BNIPL: variants seen among roughly 807,000 people sequenced by gnomAD.
BNIPL encodes BCL2 interacting protein like.
BNIPL carries 33 observed loss-of-function variants against 47.0 expected under a neutral mutation model. The observed-to-expected ratio is 0.70, with a 90% CI of 0.53 to 0.94. The LOEUF (loss-of-function observed/expected upper bound fraction) is 0.94. BNIPL is among the 40% of genes least tolerant of loss of function. The pLI, the probability that BNIPL is intolerant of heterozygous loss-of-function variation, is 0.00. For synonymous variants in BNIPL, 145 were observed against 162.7 expected, an observed-to-expected ratio of 0.89 and a Z score of 0.83; for missense variants, 404 against 445.2, an observed-to-expected ratio of 0.91 and a Z score of 0.83.
At chr1:151,036,880 CTG>C in intron 1 of BNIPL, 114 bp downstream of exon 1, 2 of 1,070,488 alleles carry the variant, frequency 1.9e-6, no homozygotes, top group East Asian at 2.5e-5. Flanking sequence ...GGAGACAAGA[CTG>C]TAAGAGAGTT....
chr1:151,044,942 G>T (rs1388536512), intron 7 of BNIPL: 1 of 1,289,136 alleles, frequency 7.8e-7, no homozygotes, highest in African/African-American at 1.5e-5. Context: ...CTTACGCGAG[G>T]GTAGAGCACA....
Position 151,043,587 on chromosome 1 carries a change from T to TC in BNIPL, c.720-3dup. 6.2e-7 allele frequency: 1 copy of TC among 1,608,290 alleles called. No individual in the cohort carries two copies. Among genetic ancestry groups the TC allele is most frequent in the African/African-American group, 1.3e-5 (1 of 74,852 alleles). On this transcript the variant is annotated splice_polypyrimidine_tract_variant and intron_variant, in intron 6 of 9. Coordinates refer to ENST00000368931, the MANE Select transcript of BNIPL (RefSeq NM_138278.4). ...AACACATACCTTCCCTGCAATTTCA[T>TC]CCCCCCAGGTATATGGTGGGAACTC...
In BNIPL at chr1:151,043,617, G is replaced by A. The variant is rs111526401; in HGVS notation, c.741G>A (p.Glu247=). 4.6e-5 allele frequency: 74 copies of A among 1,611,930 alleles called. 2 individuals carry two copies. The African/African-American group carries it at 6.1e-4, about 13-fold the overall frequency. ...CCAGGTATATGGTGGGAACTCTGGA[G>A]CTGCTAGTAGCTGAAAATTACCTGC... ...HLFRYMVGTL[E]LLVAENYLLV... is the part of the protein sequence containing the mutation. The change falls in exon 7 of 10, where the codon GAG becomes GAA. Residue 247 remains glutamate, a synonymous_variant. Coordinates refer to ENST00000368931, the MANE Select transcript of BNIPL (RefSeq NM_138278.4).
intron 4 of BNIPL, among the ~76,000 whole-genome samples, chr1:151,042,132 G>C (rs1445181363): frequency 6.6e-6 from 1 of 151,908 alleles, no homozygotes; most frequent in African/African-American, 2.4e-5. Context: ...ACCCAGGCTA[G>C]AGTGCAGTGG....
rs1189437509 is a variant in BNIPL, at chr1:151,040,155, G to A, written c.433+1129G>A. On this transcript the variant is annotated intron_variant, in intron 4 of 9. Coordinates refer to ENST00000368931, the MANE Select transcript of BNIPL (RefSeq NM_138278.4). ...AGTAAGGTATTACGTTTGTTATGGT[G>A]CATCCATCCAGTGGAATACTAAATA... Among the ~76,000 whole-genome samples, 10 of 152,168 alleles carry A rather than the reference G, an allele frequency of 6.6e-5. 1 individual carries two copies. Among genetic ancestry groups the A allele is most frequent in the Admixed American group, 4.6e-4 (7 of 15,278 alleles).
intron 2 of BNIPL, 139 bp from the exon 3 acceptor site, chr1:151,038,365 C>A (rs1675700932): frequency 2.9e-6 from 2 of 685,464 alleles, no homozygotes; most frequent in Admixed American, 5.1e-5. Flanking sequence ...CAGAGTGAGA[C>A]CCTGTCTCAA....
chr1:151,038,511 C>T lies in BNIPL; in HGVS notation c.145C>T (p.Pro49Ser). ...WQDEEFPRLL[P>S]EEAGTSEDPE... Reference sequence around the variant, plus strand: ...TAATCTCTTCCCCTCTAGATTGCTTCCTGAGGAGGCTGGCACTTCTGAAGA... The same window carrying T: ...TAATCTCTTCCCCTCTAGATTGCTTTCTGAGGAGGCTGGCACTTCTGAAGA... The change falls in exon 3 of 10, where the codon CCT becomes TCT. Residue 49 changes from proline (P) to serine (S), a missense_variant. Coordinates refer to ENST00000368931, the MANE Select transcript of BNIPL (RefSeq NM_138278.4). The T allele has an allele frequency of 6.2e-7, 1 of 1,612,836 alleles. No homozygotes were observed. Among genetic ancestry groups the T allele is most frequent in the Admixed American group, 1.7e-5 (1 of 60,002 alleles).
chr1:151,039,057 A>G (rs774919662), intron 4 of BNIPL, 31 bp downstream of exon 4: 59 of 1,536,868 alleles, frequency 3.8e-5, no homozygotes, highest in Non-Finnish European at 5.1e-5. Flanking sequence ...CTCAGCTGGT[A>G]GAAGTAGAGG....
rs1411968440 is a variant in BNIPL, at chr1:151,037,648, T to G, written c.123T>G (p.Asp41Glu). 3 of 1,599,594 alleles carry G rather than the reference T, an allele frequency of 1.9e-6. No individual in the cohort carries two copies. Among genetic ancestry groups the G allele is most frequent in the Non-Finnish European group, 2.6e-6 (3 of 1,172,832 alleles). ...TGGAGCTGAAGGAGGAATGGCAGGATGAAGAATTCCCTAGGTGAGGACGTG... is the reference window on the plus strand; with the variant it reads ...TGGAGCTGAAGGAGGAATGGCAGGAGGAAGAATTCCCTAGGTGAGGACGTG... ...GELELKEEWQ[D>E]EEFPRLLPEE... is the part of the protein sequence containing the mutation. Residue 41 changes from aspartate (D) to glutamate (E), a missense_variant, in exon 2 of 10, where the codon GAT becomes GAG. Physicochemically the swap from Asp to Glu is conservative, Grantham distance 45. Coordinates refer to ENST00000368931, the MANE Select transcript of BNIPL (RefSeq NM_138278.4).
chr1:151,046,390 TG>T (rs1417821121), intron 9 of BNIPL, among the ~76,000 whole-genome samples: 2 of 150,664 alleles, frequency 1.3e-5, no homozygotes, highest in African/African-American at 4.9e-5. Flanking sequence ...TACATATAAG[TG>T]CAGAGGCAAT....
chr1:151,036,594 C>A lies in BNIPL; in HGVS notation c.-132C>A. 1.2e-6 allele frequency: 1 copy of A among 826,448 alleles called. No homozygotes were observed. The highest frequency in any genetic ancestry group is 2.0e-6 in the Non-Finnish European group (1 of 491,402). 51.2% of individuals were successfully genotyped at this position (826,448 alleles called of 1,614,324 possible). A position where few individuals can be genotyped will look rare whatever the true frequency, so the allele number is the denominator to read the frequency against. On this transcript the variant is annotated 5_prime_UTR_variant, in exon 1 of 10. Transcript: ENST00000368931. ...TGAAGATGAGGTTACCTCCCTTCCA[C>A]ACCTCCCTCCTTGGAGGCAAGAGCT...
chr1:151,042,807 CTG>C, intron 4 of BNIPL, 147 bp from the exon 5 acceptor site: 1 of 626,684 alleles, frequency 1.6e-6, no homozygotes. Flanking sequence ...GAGTGAGACT[CTG>C]TCTCAAAAAA....
chr1:151,046,495 T>C (rs1197234698), intron 9 of BNIPL, among the ~76,000 whole-genome samples, 156 bp from the exon 10 acceptor site: 1 of 148,574 alleles, frequency 6.7e-6, no homozygotes, highest in Non-Finnish European at 1.5e-5. Flanking sequence ...TGATATCCAG[T>C]GGGGGAGAGG....
At chr1:151,043,978 G>GT (rs1210014366) in intron 7 of BNIPL, among the ~76,000 whole-genome samples, 3 of 151,288 alleles carry the variant, frequency 2.0e-5, no homozygotes, top group Non-Finnish European at 2.9e-5. Flanking sequence ...TTCAGCTTCA[G>GT]TTTTTTTGTT....
At chr1:151,037,287 T>C (rs1675644657) in intron 1 of BNIPL, 1 of 1,082,524 alleles carries the variant, frequency 9.2e-7, no homozygotes, top group Admixed American at 4.2e-5. Flanking sequence ...ACTTGTAATG[T>C]GGGACATCTC....
chr1:151,045,751 C>T, intron 7 of BNIPL, 46 bp from the exon 8 acceptor site: 1 of 1,613,622 alleles, frequency 6.2e-7, no homozygotes. Context: ...GATCTTCACA[C>T]ATAAAGGTGG....
intron 7 of BNIPL, among the ~76,000 whole-genome samples, chr1:151,044,267 G>A (rs1675929996): frequency 6.6e-6 from 1 of 152,196 alleles, no homozygotes; most frequent in African/African-American, 2.4e-5. Context: ...TTATAGGCAT[G>A]AGCCACTGCA....
intron 2 of BNIPL, among the ~76,000 whole-genome samples, chr1:151,038,023 A>AAAAAAAAAAC: frequency 6.8e-6 from 1 of 147,202 alleles, no homozygotes; most frequent in African/African-American, 2.5e-5. Flanking sequence ...AAAAAAAAAA[A>AAAAAAAAAAC]AAAAAAGCAA....
At chr1:151,042,681 G>A (rs747581214) in intron 4 of BNIPL, among the ~76,000 whole-genome samples, 11 of 152,014 alleles carry the variant, frequency 7.2e-5, no homozygotes, top group South Asian at 2.1e-4. Context: ...GGGCATGGTG[G>A]TGCATGCCTG....
Sources: gnomAD v4.1 joint callset for allele counts (sites outside exome capture counted in the v4.1 genomes callset) on GRCh38, gnomAD v4.1.1 for gene constraint, MANE v1.5 for transcripts, NCBI Gene and HGNC (gene_info 2026-07-23, HGNC 2026-07-21) for gene names.